The following PAG1 variants were observed in gnomAD, a reference collection of about 807,000 sequenced individuals.
PAG1 encodes the protein phosphoprotein membrane anchor with glycosphingolipid microdomains 1.
In PAG1, 23 loss-of-function variants were observed where a neutral mutation model predicts 31.7. That is an observed-to-expected ratio of 0.73 (90% CI 0.52 to 1.03). PAG1 has a LOEUF of 1.03. PAG1 is among the 50% of genes least tolerant of loss of function. The pLI is 0.00. For synonymous variants in PAG1, 214 were observed against 210.3 expected, an observed-to-expected ratio of 1.02 and a Z score of -0.15; for missense variants, 473 against 540.7, an observed-to-expected ratio of 0.87 and a Z score of 1.24.
chr8:81,084,689 G>A lies in PAG1; in HGVS notation c.-233-14519C>T, dbSNP rs367919716. On this transcript the variant is annotated intron_variant, in intron 1 of 8. Transcript: ENST00000220597. ...TAAGAAGTGGCTACACAGGTCTTAC[G>A]TAAGATTATATTTATATTATCTCAA... 1.2e-4 allele frequency among the ~76,000 whole-genome samples: 18 copies of A among 152,176 alleles called. 2 individuals are homozygous for A. Among genetic ancestry groups the A allele is most frequent in the East Asian group, 9.6e-4 (5 of 5,188 alleles).
At chr8:81,023,605 G>T (rs868540624) in intron 3 of PAG1, among the ~76,000 whole-genome samples, 28 of 151,460 alleles carry the variant, frequency 1.8e-4, no homozygotes, top group Non-Finnish European at 2.2e-4. Context: ...GAGAGAGAGA[G>T]AGAGAAAGAG....
intron 3 of PAG1, among the ~76,000 whole-genome samples, chr8:81,002,583 G>A (rs1586157939): frequency 6.6e-6 from 1 of 152,198 alleles, no homozygotes; most frequent in Non-Finnish European, 1.5e-5. Flanking sequence ...TAGAGAACGC[G>A]TCCTGTGGTC....
At chr8:80,991,643 C>T (rs1446904154) in intron 4 of PAG1, 113 bp from the exon 5 acceptor site, 4 of 784,154 alleles carry the variant, frequency 5.1e-6, no homozygotes, top group Admixed American at 2.0e-5. Context: ...GTTTTAAGAA[C>T]CATGTTTATT....
chr8:81,009,908 C>T (rs1022489787), intron 3 of PAG1, among the ~76,000 whole-genome samples: 5 of 152,188 alleles, frequency 3.3e-5, no homozygotes, highest in African/African-American at 1.2e-4. Flanking sequence ...AGCCACTGTG[C>T]CCAGGCCAAA....
At chr8:81,005,965 C>T (rs1318742850) in intron 3 of PAG1, among the ~76,000 whole-genome samples, 9 of 152,238 alleles carry the variant, frequency 5.9e-5, no homozygotes, top group South Asian at 2.1e-4. Flanking sequence ...TTTTTTGAGA[C>T]GGAGTCTTGC....
rs979736441 is a variant in PAG1, at chr8:80,991,497, A to G, written c.159T>C (p.His53=). 1 of 1,610,488 alleles carries G rather than the reference A, an allele frequency of 6.2e-7. No individual in the cohort carries two copies. The highest frequency in any genetic ancestry group is 8.5e-7 in the Non-Finnish European group (1 of 1,176,608). ...GGCTCACCACGTTCATCAGGTTCTC[A>G]TGGTCCCCACTATGCTGTCGCGGCT... ...EKKPRQHSGD[H]ENLMNVPSDK... Residue 53 remains histidine (H), a synonymous_variant, in exon 5 of 9, where the codon CAT becomes CAC. Coordinates refer to ENST00000220597, the MANE Select transcript of PAG1 (RefSeq NM_018440.4).
chr8:81,001,077 C>T (rs1477446986), intron 3 of PAG1, among the ~76,000 whole-genome samples: 1 of 152,244 alleles, frequency 6.6e-6, no homozygotes, highest in African/African-American at 2.4e-5. Context: ...ATCTAAGCAT[C>T]CTATGAGTCT....
At chr8:81,082,642 CTCTT>C (rs1809288249) in intron 1 of PAG1, among the ~76,000 whole-genome samples, 1 of 152,162 alleles carries the variant, frequency 6.6e-6, no homozygotes, top group South Asian at 2.1e-4. Context: ...TGATGGTTCT[CTCTT>C]TACTGATTCT....
chr8:81,048,465 T>C (rs935796733), intron 2 of PAG1, among the ~76,000 whole-genome samples: 1 of 152,130 alleles, frequency 6.6e-6, no homozygotes, highest in Non-Finnish European at 1.5e-5. Context: ...TCCATGAATA[T>C]GAATTCTCCT....
chr8:81,033,599 G>T (rs1031412666), intron 2 of PAG1, among the ~76,000 whole-genome samples: 1 of 152,144 alleles, frequency 6.6e-6, no homozygotes, highest in Admixed American at 6.5e-5. Context: ...GGAATGCCAC[G>T]CCCAGCAGTT....
intron 3 of PAG1, among the ~76,000 whole-genome samples, chr8:80,995,891 G>T (rs763001494): frequency 2.6e-5 from 4 of 152,208 alleles, no homozygotes; most frequent in African/African-American, 7.2e-5. Flanking sequence ...AGTGCAGGGA[G>T]AAAGAGGATG....
At chr8:81,035,300 C>T (rs1034257456) in intron 2 of PAG1, among the ~76,000 whole-genome samples, 1 of 152,106 alleles carries the variant, frequency 6.6e-6, no homozygotes, top group African/African-American at 2.4e-5. Flanking sequence ...TACACAGACA[C>T]AGAAACAGCT....
rs1807064623 is a variant in PAG1, at chr8:80,970,949, C to G, written c.*5595G>C. 1 of 152,748 alleles carries G rather than the reference C, an allele frequency of 6.5e-6. No homozygotes were observed. Among genetic ancestry groups the G allele is most frequent in the African/African-American group, 2.4e-5 (1 of 41,438 alleles). 9.5% of individuals were successfully genotyped at this position (152,748 alleles called of 1,614,324 possible). On this transcript the variant is annotated 3_prime_UTR_variant, in exon 9 of 9. Coordinates refer to ENST00000220597, the MANE Select transcript of PAG1 (RefSeq NM_018440.4). ...CAGAAGGCTGAGTGGGGAAGCGACC[C>G]AGGGGTATTGCCACACAAAGCGATA... is the stretch of plus-strand genomic sequence containing the variant.
Position 80,971,755 on chromosome 8 carries a change from AAAG to A in PAG1, c.*4786_*4788del, listed in dbSNP as rs1343532786. On this transcript the variant is annotated 3_prime_UTR_variant, in exon 9 of 9. Coordinates refer to ENST00000220597, the MANE Select transcript of PAG1 (RefSeq NM_018440.4). ...TGGAATATTATTTTTCAGTTAAGTCAAAGAAGAACTTGAAAAAAATAATGACAT... is the reference window on the plus strand; with the variant it reads ...TGGAATATTATTTTTCAGTTAAGTCAAAGAACTTGAAAAAAATAATGACAT... 1.3e-5 allele frequency: 2 copies of A among 152,242 alleles called. No homozygotes were observed. The highest frequency in any genetic ancestry group is 4.8e-5 in the African/African-American group (2 of 41,468). The allele number at this position is 152,242 out of a possible 1,614,324, so 9.4% of individuals were successfully genotyped here.
intron 1 of PAG1, among the ~76,000 whole-genome samples, chr8:81,074,602 C>T (rs1247185881): frequency 1.3e-5 from 2 of 152,150 alleles, no homozygotes; most frequent in Non-Finnish European, 2.9e-5. Flanking sequence ...CCCAGACCAG[C>T]AGTTTCTGCA....
chr8:81,072,375 C>T (rs1429386143), intron 1 of PAG1, among the ~76,000 whole-genome samples: 1 of 152,160 alleles, frequency 6.6e-6, no homozygotes, highest in Non-Finnish European at 1.5e-5. Flanking sequence ...GGCTTTCAAC[C>T]CTGGCCTTGC....
At chr8:80,999,454 C>T (rs117879408) in intron 3 of PAG1, among the ~76,000 whole-genome samples, 19 of 152,308 alleles carry the variant, frequency 1.2e-4, no homozygotes, top group Non-Finnish European at 2.5e-4. Flanking sequence ...ACATCTCTTT[C>T]TGCAGCAGTT....
In PAG1 at chr8:80,987,781, T is replaced by C. The variant is rs577751644; in HGVS notation, c.178-315A>G. 2.6e-5 allele frequency among the ~76,000 whole-genome samples: 4 copies of C among 152,314 alleles called. No homozygotes were observed. The East Asian group carries it at 7.7e-4, about 29-fold the overall frequency. Reference sequence around the variant, plus strand: ...CCACTGACAATAAAACAATATAATATAATGAAAGTTATGTGAATGTGCTCT... The same window carrying C: ...CCACTGACAATAAAACAATATAATACAATGAAAGTTATGTGAATGTGCTCT... On this transcript the variant is annotated intron_variant, in intron 5 of 8. Transcript: ENST00000220597.
intron 2 of PAG1, among the ~76,000 whole-genome samples, chr8:81,059,487 C>A (rs1207468527): frequency 6.6e-6 from 1 of 152,066 alleles, no homozygotes; most frequent in African/African-American, 2.4e-5. Flanking sequence ...ATACCTCCTG[C>A]TTGGAAGAAG....
Sources: allele counts gnomAD v4.1 joint callset (sites outside exome capture counted in the v4.1 genomes callset), GRCh38; gene constraint gnomAD v4.1.1; transcripts MANE v1.5; gene names NCBI Gene and HGNC (gene_info 2026-07-23, HGNC 2026-07-21).